BMAL1: variants seen among roughly 807,000 people sequenced by gnomAD.
BMAL1 encodes the protein basic helix-loop-helix ARNT-like protein 1.
At chr11:13,314,300 C>T in the BMAL1 span, among the ~76,000 whole-genome samples, 2 of 151,330 alleles carry the variant, frequency 1.3e-5, no homozygotes, top group Admixed American at 6.6e-5. Context: ...GTTCCAAGTG[C>T]CAGCATAGTT....
At chr11:13,318,195 A>T in the BMAL1 span, among the ~76,000 whole-genome samples, 1 of 151,888 alleles carries the variant, frequency 6.6e-6, no homozygotes, top group Admixed American at 6.6e-5. Flanking sequence ...TATAACTAAT[A>T]CCCCTTAGAT....
the BMAL1 span, chr11:13,385,586 A>G: frequency 2.7e-6 from 2 of 737,844 alleles, no homozygotes; most frequent in Non-Finnish European, 4.6e-6. Context: ...AGAAAACTGA[A>G]GCCATTTGAA....
the BMAL1 span, among the ~76,000 whole-genome samples, chr11:13,373,458 A>T: frequency 6.6e-6 from 1 of 152,196 alleles, no homozygotes; most frequent in African/African-American, 2.4e-5. Context: ...CAAAAACTAG[A>T]AGCCTTGCAC....
chr11:13,359,957 G>C, the BMAL1 span, among the ~76,000 whole-genome samples: 1 of 152,218 alleles, frequency 6.6e-6, no homozygotes, highest in Admixed American at 6.5e-5. Flanking sequence ...TGATTTGAAG[G>C]ACTACCAGAC....
chr11:13,346,743 A>G, the BMAL1 span, among the ~76,000 whole-genome samples: 15 of 152,170 alleles, frequency 9.9e-5, no homozygotes, highest in East Asian at 2.7e-3. Flanking sequence ...GCATGCCTCC[A>G]TCTCACCTTT....
chr11:13,286,175 G>A, the BMAL1 span, among the ~76,000 whole-genome samples: 3 of 152,330 alleles, frequency 2.0e-5, no homozygotes, highest in African/African-American at 4.8e-5. Context: ...ATCAGCAGTC[G>A]TCAAGCCTTC....
At chr11:13,290,563 T>G in the BMAL1 span, among the ~76,000 whole-genome samples, 1 of 53,472 alleles carries the variant, frequency 1.9e-5, no homozygotes, top group African/African-American at 3.8e-5. Context: ...GTGTATATAT[T>G]ATTATTATTA....
chr11:13,302,110 T>TG, the BMAL1 span, among the ~76,000 whole-genome samples: 1 of 150,856 alleles, frequency 6.6e-6, no homozygotes, highest in African/African-American at 2.4e-5. Flanking sequence ...ATTGGAGAGG[T>TG]GGGGATGGGA....
chr11:13,385,971 G>A, the BMAL1 span, among the ~76,000 whole-genome samples: 1 of 152,186 alleles, frequency 6.6e-6, no homozygotes, highest in South Asian at 2.1e-4. Context: ...GAGTTTTGGT[G>A]GAGGTCCAAG....
chr11:13,334,155 C>T, the BMAL1 span, among the ~76,000 whole-genome samples: 1 of 152,122 alleles, frequency 6.6e-6, no homozygotes, highest in African/African-American at 2.4e-5. Flanking sequence ...GGGCTCACAT[C>T]TTGTCCCGAG....
chr11:13,313,651 A>G, the BMAL1 span, among the ~76,000 whole-genome samples: 1 of 152,042 alleles, frequency 6.6e-6, no homozygotes, highest in Non-Finnish European at 1.5e-5. Context: ...TTTAGGATTC[A>G]TCATTTTGTT....
chr11:13,352,839 G>C, the BMAL1 span, among the ~76,000 whole-genome samples: 1 of 152,146 alleles, frequency 6.6e-6, no homozygotes, highest in African/African-American at 2.4e-5. Flanking sequence ...GGTCCAGAGA[G>C]GGGTAGTGAC....
the BMAL1 span, among the ~76,000 whole-genome samples, chr11:13,314,229 CCACACACA>C: frequency 7.3e-4 from 101 of 138,742 alleles, no homozygotes; most frequent in Middle Eastern, 3.7e-3. Context: ...AGGGTGGAGA[CCACACACA>C]CACACACACA....
chr11:13,354,276 T>C, the BMAL1 span: 2 of 1,331,048 alleles, frequency 1.5e-6, no homozygotes, highest in Non-Finnish European at 9.9e-7. Flanking sequence ...TAAACACACC[T>C]TTGTGCCTCT....
the BMAL1 span, among the ~76,000 whole-genome samples, chr11:13,370,787 A>G: frequency 6.6e-6 from 1 of 152,008 alleles, no homozygotes; most frequent in Non-Finnish European, 1.5e-5. Flanking sequence ...AGTGTTCCCT[A>G]TTGTTCTTGA....
the BMAL1 span, chr11:13,365,442 G>A: frequency 6.8e-7 from 1 of 1,471,808 alleles, no homozygotes. Context: ...TTATCAGGGT[G>A]ATTACAAATT....
At chr11:13,304,474 T>A in the BMAL1 span, among the ~76,000 whole-genome samples, 1 of 152,210 alleles carries the variant, frequency 6.6e-6, no homozygotes, top group Non-Finnish European at 1.5e-5. Flanking sequence ...GAAAAGGATA[T>A]CTGAGTGTTC....
the BMAL1 span, among the ~76,000 whole-genome samples, chr11:13,382,044 A>T: frequency 6.6e-6 from 1 of 152,166 alleles, no homozygotes; most frequent in Non-Finnish European, 1.5e-5. Flanking sequence ...CATCAAAAGC[A>T]GGGCAAGGAT....
At chr11:13,344,656 G>C in the BMAL1 span, among the ~76,000 whole-genome samples, 1 of 152,190 alleles carries the variant, frequency 6.6e-6, no homozygotes, top group African/African-American at 2.4e-5. Context: ...TCTGTCTGTT[G>C]CAAAGCAAGG....
Sources: allele counts gnomAD v4.1 joint callset (sites outside exome capture counted in the v4.1 genomes callset), GRCh38; gene constraint gnomAD v4.1.1; transcripts MANE v1.5; gene names NCBI Gene and HGNC (gene_info 2026-07-23, HGNC 2026-07-21).